SDHAF3: variants seen among roughly 807,000 people sequenced by gnomAD.
SDHAF3 encodes the protein succinate dehydrogenase assembly factor 3, mitochondrial.
SDHAF3 carries 18 observed loss-of-function variants against 11.5 expected under a neutral mutation model. The ratio of observed to expected loss-of-function variants is 1.56; its 90% CI spans 1.08 to 2.32. SDHAF3 has a LOEUF of 2.32. Among genes scored for constraint, SDHAF3 ranks in the 30% most tolerant of loss-of-function variants. The pLI, the probability that SDHAF3 is intolerant of heterozygous loss-of-function variation, is 0.00. For missense variants in SDHAF3, 200 were observed against 154.4 expected (o/e 1.30, Z -1.57); for synonymous variants, 72 against 59.3 (o/e 1.21, Z -0.99).
At chr7:97,120,282 A>T (rs560615604) in intron 1 of SDHAF3, among the ~76,000 whole-genome samples, 1 of 152,166 alleles carries the variant, frequency 6.6e-6, no homozygotes, top group East Asian at 1.9e-4. Flanking sequence ...ATCTCTTTGT[A>T]TAACATAATT....
chr7:97,173,502 C>T (rs1294325087), intron 1 of SDHAF3, among the ~76,000 whole-genome samples: 1 of 151,406 alleles, frequency 6.6e-6, no homozygotes, highest in Non-Finnish European at 1.5e-5. Context: ...AACGTAGACT[C>T]TTTAAAGTCA....
chr7:97,181,016 ATGCAACAGCGTTAT>A lies in SDHAF3; in HGVS notation c.188_201del (p.Ala63GlyfsTer2). 4 of 1,613,010 alleles carry A rather than the reference ATGCAACAGCGTTAT, an allele frequency of 2.5e-6. No individual in the cohort carries two copies. Among genetic ancestry groups the A allele is most frequent in the Non-Finnish European group, 3.4e-6 (4 of 1,179,334 alleles). On this transcript the variant is annotated frameshift_variant, in exon 2 of 2. Coordinates refer to ENST00000432641, the MANE Select transcript of SDHAF3 (RefSeq NM_020186.3). LOFTEE classifies it high-confidence loss of function. ...CTTCATTCTTTATCTTTTTAGGTGTATGCAACAGCGTTATTGCAACAGGCTAACGAAAACAGACA... is the reference window on the plus strand; with the variant it reads ...CTTCATTCTTTATCTTTTTAGGTGTATGCAACAGGCTAACGAAAACAGACA...
intron 1 of SDHAF3, among the ~76,000 whole-genome samples, chr7:97,179,002 T>C (rs1240695852): frequency 6.6e-6 from 1 of 152,168 alleles, no homozygotes; most frequent in African/African-American, 2.4e-5. Context: ...TCACTTTGAG[T>C]TAATTTTTGT....
At chr7:97,157,449 T>C (rs1324253292) in intron 1 of SDHAF3, among the ~76,000 whole-genome samples, 1 of 152,106 alleles carries the variant, frequency 6.6e-6, no homozygotes, top group Non-Finnish European at 1.5e-5. Context: ...ATGGCGATCA[T>C]TAAAAAGTCA....
At chr7:97,178,853 A>C (rs182129836) in intron 1 of SDHAF3, among the ~76,000 whole-genome samples, 1 of 152,160 alleles carries the variant, frequency 6.6e-6, no homozygotes, top group African/African-American at 2.4e-5. Flanking sequence ...GATACTGTCC[A>C]GTTTATTTTT....
Position 97,117,897 on chromosome 7 carries a change from G to A in SDHAF3, c.174G>A (p.Glu58=), listed in dbSNP as rs952997466. The A allele has an allele frequency of 1.2e-6, 2 of 1,613,750 alleles. No homozygotes were observed. The change falls in exon 1 of 2, where the codon GAG becomes GAA. Residue 58 remains glutamate (E), a splice_region_variant and synonymous_variant. Coordinates refer to ENST00000432641, the MANE Select transcript of SDHAF3 (RefSeq NM_020186.3). ...DEAQRFLQEW[E]VYATALLQQA... is the part of the protein sequence containing the mutation. ...CACAGCGTTTCTTGCAAGAATGGGA[G>A]GCAAGTGACGCTCCCTTCTCTTTGC...
At chr7:97,153,458 T>C (rs1331811570) in intron 1 of SDHAF3, among the ~76,000 whole-genome samples, 1 of 152,252 alleles carries the variant, frequency 6.6e-6, no homozygotes, top group Non-Finnish European at 1.5e-5. Context: ...TACTGAAGGA[T>C]ATCCTGGTTG....
chr7:97,135,581 A>C, intron 1 of SDHAF3: 1 of 137,230 alleles, frequency 7.3e-6, no homozygotes, highest in South Asian at 2.4e-4. Context: ...TAGTCCCCAT[A>C]TGTGTGTGTG....
At chr7:97,145,600 G>A (rs1789123076) in intron 1 of SDHAF3, among the ~76,000 whole-genome samples, 2 of 152,096 alleles carry the variant, frequency 1.3e-5, no homozygotes, top group African/African-American at 4.8e-5. Context: ...AACCCAATAT[G>A]TGAAATTTTA....
chr7:97,164,787 G>A (rs1789475560), intron 1 of SDHAF3, among the ~76,000 whole-genome samples: 1 of 152,118 alleles, frequency 6.6e-6, no homozygotes, highest in Non-Finnish European at 1.5e-5. Context: ...AAGTGAAACT[G>A]ATCTACCAAT....
At chr7:97,118,407 T>G (rs1176511178) in intron 1 of SDHAF3, among the ~76,000 whole-genome samples, 2 of 152,216 alleles carry the variant, frequency 1.3e-5, no homozygotes, top group South Asian at 2.1e-4. Flanking sequence ...GGTTGGAGAT[T>G]ACAAACTGTG....
In SDHAF3 at chr7:97,181,246, A is replaced by C. The variant is rs1226537504; in HGVS notation, c.*31A>C. ...ACAACAAAGCTTAATAAGACATGCA[A>C]AAATTTAGAACCCCTACTTTAACTG... On this transcript the variant is annotated 3_prime_UTR_variant, in exon 2 of 2. Transcript: ENST00000432641. 3 of 1,525,070 alleles carry C rather than the reference A, an allele frequency of 2.0e-6. No homozygotes were observed. In the African/African-American group the frequency reaches 4.2e-5, roughly 21 times the overall value. 94.5% of individuals were successfully genotyped at this position (1,525,070 alleles called of 1,614,324 possible). A position where few individuals can be genotyped will look rare whatever the true frequency, so the allele number is the denominator to read the frequency against.
intron 1 of SDHAF3, among the ~76,000 whole-genome samples, chr7:97,169,308 C>CA (rs35675985): frequency 0.27 from 40,802 of 150,702 alleles, 5,790 homozygotes; most frequent in Non-Finnish European, 0.31. Context: ...GAAACTGTCT[C>CA]AAAAAAAAAG....
intron 1 of SDHAF3, among the ~76,000 whole-genome samples, chr7:97,166,429 A>T (rs1050788154): frequency 2.0e-5 from 2 of 97,632 alleles, no homozygotes; most frequent in African/African-American, 6.3e-5. Context: ...ATTGGTTGAA[A>T]GAGTTTAAAG....
intron 1 of SDHAF3, among the ~76,000 whole-genome samples, chr7:97,176,616 CA>C (rs1478630262): frequency 6.6e-6 from 1 of 152,132 alleles, no homozygotes; most frequent in Non-Finnish European, 1.5e-5. Flanking sequence ...TACATGGAGT[CA>C]AAGACTAGTC....
rs1284182962 is a variant in SDHAF3, at chr7:97,117,699, C to T, written c.-25C>T. On this transcript the variant is annotated 5_prime_UTR_variant, in exon 1 of 2. Coordinates refer to ENST00000432641, the MANE Select transcript of SDHAF3 (RefSeq NM_020186.3). ...AACGCGCCGTCCCTCTGCGCAGGCG[C>T]AGTCGGCGGTCGGCGTGGGGCGCTA... The T allele has an allele frequency of 1.9e-6, 3 of 1,603,082 alleles. No individual in the cohort carries two copies. The highest frequency in any genetic ancestry group is 2.7e-5 in the African/African-American group (2 of 74,718).
At chr7:97,179,718 A>AC (rs551727512) in intron 1 of SDHAF3, among the ~76,000 whole-genome samples, 15 of 137,194 alleles carry the variant, frequency 1.1e-4, no homozygotes, top group Admixed American at 7.0e-4. Context: ...CCCCACCCCT[A>AC]CCCCCCCTAC....
At chr7:97,147,707 G>A (rs941501272) in intron 1 of SDHAF3, among the ~76,000 whole-genome samples, 2 of 152,094 alleles carry the variant, frequency 1.3e-5, no homozygotes, top group Non-Finnish European at 2.9e-5. Context: ...GTGTCAATTT[G>A]ACAGCAGATT....
chr7:97,178,204 C>A (rs1464483469), intron 1 of SDHAF3, among the ~76,000 whole-genome samples: 1 of 152,106 alleles, frequency 6.6e-6, no homozygotes, highest in Non-Finnish European at 1.5e-5. Flanking sequence ...TAAGGTTTAT[C>A]CATGTTGTAG....
Sources: allele counts gnomAD v4.1 joint callset (sites outside exome capture counted in the v4.1 genomes callset), GRCh38; gene constraint gnomAD v4.1.1; transcripts MANE v1.5; gene names NCBI Gene and HGNC (gene_info 2026-07-23, HGNC 2026-07-21).